SMYD2: variants seen among roughly 807,000 people sequenced by gnomAD.
The protein encoded by SMYD2 is N-lysine methyltransferase SMYD2.
In SMYD2, 53 loss-of-function variants were observed where a neutral mutation model predicts 59.1. The observed-to-expected ratio is 0.90, with a 90% confidence interval of 0.72 to 1.13. The LOEUF (loss-of-function observed/expected upper bound fraction) is 1.13, where lower values mean the gene tolerates loss of function less well. SMYD2 is among the 50% of genes most tolerant of loss of function. SMYD2 has a pLI of 0.00. For synonymous variants in SMYD2, 208 were observed against 198.8 expected (o/e 1.05, Z -0.39); for missense variants, 494 against 544.7 (o/e 0.91, Z 0.93).
At chr1:214,300,354 T>G (rs182920719) in intron 1 of SMYD2, among the ~76,000 whole-genome samples, 82 of 152,248 alleles carry the variant, frequency 5.4e-4, no homozygotes, top group Non-Finnish European at 9.4e-4. Context: ...GGAGGGACCT[T>G]CTATGTACAC....
intron 1 of SMYD2, among the ~76,000 whole-genome samples, chr1:214,296,614 G>A (rs1656731930): frequency 1.3e-5 from 2 of 152,164 alleles, no homozygotes; most frequent in African/African-American, 2.4e-5. Context: ...AGTGTTCTAA[G>A]CAATGTATTA....
chr1:214,325,482 T>C (rs2102475210), intron 6 of SMYD2, among the ~76,000 whole-genome samples: 1 of 152,340 alleles, frequency 6.6e-6, no homozygotes, highest in African/African-American at 2.4e-5. Context: ...GGGAGGTTGC[T>C]TAACATATAC....
intron 1 of SMYD2, among the ~76,000 whole-genome samples, chr1:214,298,066 T>C (rs1356429744): frequency 6.6e-6 from 1 of 152,212 alleles, no homozygotes; most frequent in Non-Finnish European, 1.5e-5. Flanking sequence ...CTAAAATTCA[T>C]GTGGAACCAA....
intron 2 of SMYD2, 46 bp from the exon 3 acceptor site, chr1:214,314,716 C>A: frequency 7.1e-7 from 1 of 1,417,176 alleles, no homozygotes; most frequent in Non-Finnish European, 1.0e-6. Flanking sequence ...CACTTTATTC[C>A]AGTGTATGTG....
At chr1:214,305,438 C>T (rs1233875899) in intron 2 of SMYD2, among the ~76,000 whole-genome samples, 188 bp downstream of exon 2, 2 of 152,142 alleles carry the variant, frequency 1.3e-5, no homozygotes, top group African/African-American at 2.4e-5. Flanking sequence ...CGTTTGAGGC[C>T]GCATGCAGGA....
chr1:214,307,433 T>A (rs1441981415), intron 2 of SMYD2, among the ~76,000 whole-genome samples: 1 of 152,148 alleles, frequency 6.6e-6, no homozygotes, highest in African/African-American at 2.4e-5. Flanking sequence ...AACAGCATAG[T>A]TTTGATTTAA....
At chr1:214,297,303 G>C (rs1656748315) in intron 1 of SMYD2, among the ~76,000 whole-genome samples, 1 of 151,034 alleles carries the variant, frequency 6.6e-6, no homozygotes, top group South Asian at 2.1e-4. Flanking sequence ...TTCCTTTGGG[G>C]GTTATTTCAG....
chr1:214,327,501 A>C (rs1657281792), intron 6 of SMYD2, 121 bp from the exon 7 acceptor site: 7 of 774,554 alleles, frequency 9.0e-6, no homozygotes, highest in Non-Finnish European at 1.5e-5. Flanking sequence ...GCCAACTATT[A>C]GATTTTTAAA....
chr1:214,317,011 T>G (rs1657096921), intron 3 of SMYD2, among the ~76,000 whole-genome samples: 1 of 152,132 alleles, frequency 6.6e-6, no homozygotes, highest in Non-Finnish European at 1.5e-5. Flanking sequence ...TCCCCTGAAT[T>G]ATTGATGATA....
intron 1 of SMYD2, among the ~76,000 whole-genome samples, chr1:214,283,635 G>A (rs367738946): frequency 6.6e-6 from 1 of 152,268 alleles, no homozygotes; most frequent in East Asian, 1.9e-4. Context: ...ATTTGTATAT[G>A]ACTTAGGACA....
chr1:214,330,290 C>G lies in SMYD2; in HGVS notation c.816+12C>G. ...CCACCAAGGACAAGGTAAGGTTGTTCATTGGGCAAGAGCGCTGACTGCACT... is the reference window on the plus strand; with the variant it reads ...CCACCAAGGACAAGGTAAGGTTGTTGATTGGGCAAGAGCGCTGACTGCACT... On this transcript the variant is annotated intron_variant, in intron 8 of 11. Coordinates refer to ENST00000366957, the MANE Select transcript of SMYD2 (RefSeq NM_020197.3). 1 of 1,581,708 alleles carries G rather than the reference C, an allele frequency of 6.3e-7. No individual in the cohort carries two copies. The highest frequency in any genetic ancestry group is 8.7e-7 in the Non-Finnish European group (1 of 1,154,394).
intron 5 of SMYD2, among the ~76,000 whole-genome samples, chr1:214,321,766 T>A (rs78505589): frequency 0.012 from 1,888 of 152,344 alleles, 22 homozygotes; most frequent in African/African-American, 0.043. Flanking sequence ...GCAAGGTTCT[T>A]ACACCTGATT....
intron 2 of SMYD2, among the ~76,000 whole-genome samples, chr1:214,307,816 G>A (rs1298946032): frequency 3.9e-5 from 6 of 152,132 alleles, no homozygotes; most frequent in Admixed American, 3.9e-4. Context: ...CTCCCTTGGG[G>A]GAGGCTCACA....
Position 214,281,435 on chromosome 1 carries a change from G to C in SMYD2, c.173+8G>C. 1 of 1,388,626 alleles carries C rather than the reference G, an allele frequency of 7.2e-7. No homozygotes were observed. The highest frequency in any genetic ancestry group is 9.4e-7 in the Non-Finnish European group (1 of 1,066,262). 86.0% of individuals were successfully genotyped at this position (1,388,626 alleles called of 1,614,324 possible). ...CGAGTACTGCTTCACCAGGTAGGGC[G>C]GCGGCGGCGGCGGCGGCGGGCGGGA... On this transcript the variant is annotated splice_region_variant and intron_variant, in intron 1 of 11. Coordinates refer to ENST00000366957, the MANE Select transcript of SMYD2 (RefSeq NM_020197.3).
At chr1:214,304,072 C>CA (rs1332853826) in intron 1 of SMYD2, among the ~76,000 whole-genome samples, 1 of 152,234 alleles carries the variant, frequency 6.6e-6, no homozygotes, top group Non-Finnish European at 1.5e-5. Context: ...TGGTTCATCT[C>CA]ACACAATACA....
At chr1:214,291,481 C>T (rs993305381) in intron 1 of SMYD2, among the ~76,000 whole-genome samples, 1 of 152,226 alleles carries the variant, frequency 6.6e-6, no homozygotes, top group Non-Finnish European at 1.5e-5. Context: ...GCCCCTCAGT[C>T]TATTACCATT....
intron 2 of SMYD2, among the ~76,000 whole-genome samples, chr1:214,314,235 C>G (rs1018826275): frequency 6.6e-6 from 1 of 152,024 alleles, no homozygotes; most frequent in Admixed American, 6.5e-5. Context: ...TTGGGAAGTC[C>G]TAACTATTCC....
Position 214,287,682 on chromosome 1 carries a change from G to A in SMYD2, c.173+6255G>A, listed in dbSNP as rs532476590. The stretch of plus-strand genomic sequence containing the variant: ...TCCCCAGAATTAATGATGGGGTCTG[G>A]GATTAGTTTTCAGTATTTTTCAAAA... On this transcript the variant is annotated intron_variant, in intron 1 of 11. Transcript: ENST00000366957. Among the ~76,000 whole-genome samples the A allele has an allele frequency of 8.6e-5, 13 of 151,742 alleles. No homozygotes were observed. In the South Asian group the frequency reaches 2.3e-3, roughly 27 times the overall value.
chr1:214,286,004 G>A (rs1656532391), intron 1 of SMYD2, among the ~76,000 whole-genome samples: 1 of 152,216 alleles, frequency 6.6e-6, no homozygotes, highest in Non-Finnish European at 1.5e-5. Flanking sequence ...CTTTGTTCAC[G>A]TGGTCTGTCA....
Sources: allele counts gnomAD v4.1 joint callset (sites outside exome capture counted in the v4.1 genomes callset), GRCh38; gene constraint gnomAD v4.1.1; transcripts MANE v1.5; gene names NCBI Gene and HGNC (gene_info 2026-07-23, HGNC 2026-07-21).